The following MAPK10 variants were observed in gnomAD, a reference collection of about 807,000 sequenced individuals.
MAPK10 encodes the protein mitogen-activated protein kinase 10.
MAPK10 carries 25 observed loss-of-function variants against 59.3 expected under a neutral mutation model. The observed-to-expected ratio is 0.42, with a 90% CI of 0.31 to 0.59. MAPK10 has a LOEUF of 0.59. MAPK10 is among the 20% of genes least tolerant of loss of function. The pLI is 0.15. For missense variants in MAPK10, 351 were observed against 568.9 expected (o/e 0.62, Z 3.90); for synonymous variants, 190 against 200.5 (o/e 0.95, Z 0.44).
At chr4:86,284,364 G>A (rs1326208198) in intron 2 of MAPK10, among the ~76,000 whole-genome samples, 1 of 152,136 alleles carries the variant, frequency 6.6e-6, no homozygotes, top group Non-Finnish European at 1.5e-5. Context: ...CGCATGCTCG[G>A]TCCATTCCTT....
chr4:86,251,458 G>C (rs2093426415), intron 2 of MAPK10, among the ~76,000 whole-genome samples: 1 of 144,666 alleles, frequency 6.9e-6, no homozygotes, highest in Non-Finnish European at 1.5e-5. Flanking sequence ...AGTTTACTGA[G>C]AATGATGGTT....
rs151164028 is a variant in MAPK10, at chr4:86,275,961, T to C, written c.-7+78569A>G. Among the ~76,000 whole-genome samples, 737 of 152,206 alleles carry C rather than the reference T, an allele frequency of 4.8e-3. 7 individuals carry two copies. The highest frequency in any genetic ancestry group is 0.017 in the African/African-American group (688 of 41,552). On this transcript the variant is annotated intron_variant, in intron 2 of 13. Coordinates refer to ENST00000641462, the MANE Select transcript of MAPK10 (RefSeq NM_138982.4). ...TAAGGCTGTACATGAATAGCAGCCA[T>C]GTCTCCCTAAACTTTGTAAATTCTT...
intron 1 of MAPK10, among the ~76,000 whole-genome samples, chr4:86,558,085 A>G (rs996049385): frequency 1.2e-4 from 19 of 152,144 alleles, no homozygotes; most frequent in African/African-American, 4.3e-4. Flanking sequence ...ACAGAGGTGA[A>G]ACAAAAAGTA....
In MAPK10 at chr4:86,360,040, G is replaced by T; in HGVS notation, c.-504C>A. On this transcript the variant is annotated 5_prime_UTR_variant, in exon 1 of 14. Coordinates refer to ENST00000641462, the MANE Select transcript of MAPK10 (RefSeq NM_138982.4). ...GGAAACCATTGTGCAGCGTGATGCT[G>T]CCTGTACCATTGTGGAACCTACCAG... is the stretch of plus-strand genomic sequence containing the variant. 1.0e-6 allele frequency: 1 copy of T among 985,862 alleles called. No individual in the cohort carries two copies. The highest frequency in any genetic ancestry group is 1.2e-6 in the Non-Finnish European group (1 of 829,966). The allele number at this position is 985,862 out of a possible 1,614,324, so 61.1% of individuals were successfully genotyped here.
At chr4:86,544,161 A>C (rs1215819443) in intron 1 of MAPK10, among the ~76,000 whole-genome samples, 2 of 152,196 alleles carry the variant, frequency 1.3e-5, no homozygotes, top group African/African-American at 2.4e-5. Context: ...TTTCCACAAG[A>C]GATTAAGTCA....
intron 1 of MAPK10, among the ~76,000 whole-genome samples, chr4:86,582,324 T>C (rs1351296936): frequency 6.6e-6 from 1 of 152,146 alleles, no homozygotes; most frequent in African/African-American, 2.4e-5. Flanking sequence ...ATTAGCATAA[T>C]TTCCAAGTAC....
intron 1 of MAPK10, among the ~76,000 whole-genome samples, chr4:86,398,560 G>A (rs995491953): frequency 2.0e-5 from 3 of 152,048 alleles, no homozygotes; most frequent in Admixed American, 1.3e-4. Context: ...CTTACTTACC[G>A]CACATTTTTC....
chr4:86,311,392 C>T (rs1278520414), intron 2 of MAPK10, among the ~76,000 whole-genome samples: 1 of 152,060 alleles, frequency 6.6e-6, no homozygotes, highest in Non-Finnish European at 1.5e-5. Flanking sequence ...ACTGATCTTA[C>T]ATTATAGGAT....
upstream of MAPK10, among the ~76,000 whole-genome samples, chr4:86,362,507 G>A (rs1355949073): frequency 6.6e-6 from 1 of 151,536 alleles, no homozygotes; most frequent in African/African-American, 2.4e-5. Context: ...GAGTCTAGAT[G>A]ATACATATAT....
intron 1 of MAPK10, among the ~76,000 whole-genome samples, chr4:86,402,383 T>C (rs1743836925): frequency 6.6e-6 from 1 of 152,146 alleles, no homozygotes; most frequent in Non-Finnish European, 1.5e-5. Context: ...ATAGGCAAAT[T>C]CACATGGAAG....
chr4:86,143,481 T>C (rs990722002), intron 4 of MAPK10, among the ~76,000 whole-genome samples: 3 of 152,214 alleles, frequency 2.0e-5, no homozygotes, highest in Non-Finnish European at 2.9e-5. Flanking sequence ...TCCTATTCCC[T>C]GGAACTATGC....
At chr4:86,556,930 A>G (rs908790314) in intron 1 of MAPK10, among the ~76,000 whole-genome samples, 3 of 152,038 alleles carry the variant, frequency 2.0e-5, no homozygotes, top group Non-Finnish European at 2.9e-5. Flanking sequence ...AACTTCCCCA[A>G]GTTTTATTTT....
intron 2 of MAPK10, among the ~76,000 whole-genome samples, chr4:86,271,006 T>C (rs2148770280): frequency 6.6e-6 from 1 of 152,212 alleles, no homozygotes; most frequent in East Asian, 1.9e-4. Context: ...TGTGGACATA[T>C]ACTTTCATTT....
intron 3 of MAPK10, among the ~76,000 whole-genome samples, chr4:86,160,791 A>G (rs1357293110): frequency 6.6e-6 from 1 of 152,054 alleles, no homozygotes. Flanking sequence ...TTTTCTGAAA[A>G]TCGAATTCTG....
At chr4:86,255,080 T>A (rs1296148656) in intron 2 of MAPK10, among the ~76,000 whole-genome samples, 2 of 147,390 alleles carry the variant, frequency 1.4e-5, no homozygotes, top group Non-Finnish European at 3.0e-5. Context: ...GATATTCTGA[T>A]TTAATAAAAG....
rs532270444 is a variant in MAPK10, at chr4:86,140,342, A to G, written c.236+18956T>C. 3.5e-3 allele frequency among the ~76,000 whole-genome samples: 500 copies of G among 141,938 alleles called. 9 individuals are homozygous for G. The highest frequency in any genetic ancestry group is 1.4e-3 in the East Asian group (7 of 4,874). The allele number at this position is 141,938 out of a possible 152,430, so 93.1% of individuals were successfully genotyped here. The stretch of plus-strand genomic sequence containing the variant: ...ATGTGGCACATATACACCATGGAAT[A>G]CTATGCAGCCATAAAAAATGATGAG... On this transcript the variant is annotated intron_variant, in intron 4 of 13. Transcript: ENST00000641462.
chr4:86,481,190 C>A (rs1753579954), intron 1 of MAPK10, among the ~76,000 whole-genome samples: 1 of 152,128 alleles, frequency 6.6e-6, no homozygotes, highest in Admixed American at 6.6e-5. Flanking sequence ...GAAAGAAGTT[C>A]TGGTTTCTAT....
intron 3 of MAPK10, among the ~76,000 whole-genome samples, chr4:86,163,675 G>A (rs897649902): frequency 1.3e-5 from 2 of 152,088 alleles, no homozygotes; most frequent in Non-Finnish European, 2.9e-5. Context: ...ACTAGGATAA[G>A]GCCAAGAATC....
chr4:86,152,573 T>C (rs2066736274), intron 4 of MAPK10: 1 of 152,192 alleles, frequency 6.6e-6, no homozygotes, highest in African/African-American at 2.4e-5. Context: ...AAAAGATGTC[T>C]TCCTTTGTCC....
Sources: allele counts gnomAD v4.1 joint callset (sites outside exome capture counted in the v4.1 genomes callset), GRCh38; gene constraint gnomAD v4.1.1; transcripts MANE v1.5; gene names NCBI Gene and HGNC (gene_info 2026-07-23, HGNC 2026-07-21).